POLR2F: variants seen among roughly 807,000 people sequenced by gnomAD.
POLR2F encodes RNA polymerase II, I and III subunit F, also known as DNA-directed RNA polymerases I, II, and III subunit RPABC2.
A neutral mutation model predicts 22.7 loss-of-function variants in POLR2F; 12 were observed. The ratio of observed to expected loss-of-function variants is 0.53; its 90% CI spans 0.34 to 0.86. The LOEUF is 0.86. Among genes scored for constraint, POLR2F ranks in the 40% least tolerant of loss-of-function variants. The probability of loss-of-function intolerance (pLI) is 0.02; values close to 1 mark genes in which losing one functional copy is unlikely to be tolerated. For synonymous variants in POLR2F, 57 were observed against 66.0 expected (o/e 0.86, Z 0.66); for missense variants, 126 against 171.5 (o/e 0.73, Z 1.48).
chr22:37,971,674 G>A (rs1420835021), downstream of POLR2F, among the ~76,000 whole-genome samples: 1 of 152,094 alleles, frequency 6.6e-6, no homozygotes, highest in African/African-American at 2.4e-5. Context: ...GGGGGAGGTG[G>A]CAAGTGGGGG....
chr22:38,002,453 A>G (rs1005439312), intron 1 of POLR2F, among the ~76,000 whole-genome samples: 2 of 151,968 alleles, frequency 1.3e-5, no homozygotes, highest in African/African-American at 4.8e-5. Flanking sequence ...GGGCACTGCA[A>G]CCTCCGCCTC....
In POLR2F at chr22:38,039,117, C is replaced by G. The variant is rs181303651; in HGVS notation, c.453-1951C>G. 4.0e-3 allele frequency among the ~76,000 whole-genome samples: 614 copies of G among 152,358 alleles called. 5 individuals are homozygous for G. Among genetic ancestry groups the G allele is most frequent in the African/African-American group, 0.014 (593 of 41,582 alleles). On this transcript the variant is annotated intron_variant, in intron 5 of 5. Transcript: ENST00000407936. ...CCCGGGAGCGGCTCCCCTCTGACGACTGAGTGGACTGCGCTTGAGGGGGCC... is the reference window on the plus strand; with the variant it reads ...CCCGGGAGCGGCTCCCCTCTGACGAGTGAGTGGACTGCGCTTGAGGGGGCC...
chr22:37,996,656 G>T (rs1005596781), intron 1 of POLR2F, among the ~76,000 whole-genome samples: 1 of 152,208 alleles, frequency 6.6e-6, no homozygotes, highest in African/African-American at 2.4e-5. Flanking sequence ...AGAGCCCTGG[G>T]TGGGACCTGG....
At chr22:37,960,910 G>C (rs993869186) in intron 3 of POLR2F, among the ~76,000 whole-genome samples, 1 of 147,692 alleles carries the variant, frequency 6.8e-6, no homozygotes, top group Admixed American at 6.9e-5. Context: ...GTGCCGTGGC[G>C]TGATCTCGGT....
intron 1 of POLR2F, among the ~76,000 whole-genome samples, chr22:38,014,135 AAAAAAAG>A (rs1461202038): frequency 2.6e-5 from 4 of 151,650 alleles, no homozygotes; most frequent in Admixed American, 1.3e-4. Context: ...AAAAAAAAAA[AAAAAAAG>A]AAAAAAGAAA....
chr22:37,970,925 C>T (rs566190070), downstream of POLR2F: 35 of 263,204 alleles, frequency 1.3e-4, no homozygotes, highest in South Asian at 1.2e-3. Flanking sequence ...TCTAAAAGAT[C>T]GGGGTTTCGG....
Position 37,974,347 on chromosome 22 carries a change from G to GTTTTTTTTTTTTTTTTTTTT in POLR2F, c.293+7186_293+7187insTTTTTTTTTTTTTTTTTTTT, listed in dbSNP as rs916489152. Reference sequence around the variant, plus strand: ...TTCACATTTTGGCAGCATGAGTCGGGTTTTTTTTTGTTTTTTTTTTTTGAG... The same window carrying GTTTTTTTTTTTTTTTTTTTT: ...TTCACATTTTGGCAGCATGAGTCGGGTTTTTTTTTTTTTTTTTTTTTTTTTTTTTGTTTTTTTTTTTTGAG... On this transcript the variant is annotated intron_variant, in intron 4 of 4. Transcript: ENST00000405557. This position sits in a 1 kb window ranked among gnomAD's most constrained non-coding sequence, Gnocchi z 5.4. The GTTTTTTTTTTTTTTTTTTTT allele has an allele frequency of 1.7e-6, 1 of 581,626 alleles. No homozygotes were observed. The highest frequency in any genetic ancestry group is 2.0e-5 in the African/African-American group (1 of 49,516). The allele number at this position is 581,626 out of a possible 1,614,324, so 36.0% of individuals were successfully genotyped here.
At chr22:37,999,895 G>C (rs1248311251) in intron 1 of POLR2F, among the ~76,000 whole-genome samples, 1 of 152,178 alleles carries the variant, frequency 6.6e-6, no homozygotes, top group Admixed American at 6.5e-5. Context: ...TTATTGGAGG[G>C]CTGGGCAGCC....
chr22:37,993,712 G>T (rs569103948), intron 1 of POLR2F, among the ~76,000 whole-genome samples: 1 of 152,128 alleles, frequency 6.6e-6, no homozygotes, highest in African/African-American at 2.4e-5. Context: ...AAAAAGGGCC[G>T]GGCACAGTGG....
chr22:37,973,658 C>T (rs375144235), downstream of POLR2F: 2 of 1,613,584 alleles, frequency 1.2e-6, no homozygotes, highest in Non-Finnish European at 8.5e-7. Context: ...GCCCGAGTGG[C>T]CATAATAGGG....
chr22:37,973,757 T>C (rs1932132749), downstream of POLR2F: 1 of 1,598,414 alleles, frequency 6.3e-7, no homozygotes, highest in Non-Finnish European at 8.5e-7. Context: ...GAGGGAGGTG[T>C]AGGCGATCTG....
chr22:38,006,487 G>A (rs2145804879), intron 1 of POLR2F, among the ~76,000 whole-genome samples: 1 of 152,314 alleles, frequency 6.6e-6, no homozygotes, highest in East Asian at 1.9e-4. Flanking sequence ...GCCAGGCCAG[G>A]CGCCGAGGCA....
At chr22:37,989,767 C>G (rs2145787069) in intron 1 of POLR2F, among the ~76,000 whole-genome samples, 1 of 152,340 alleles carries the variant, frequency 6.6e-6, no homozygotes, top group South Asian at 2.1e-4. Flanking sequence ...AGCCTCTGAC[C>G]ACTCTGCTCT....
downstream of POLR2F, chr22:38,041,720 TGGGGCTG>T (rs2085173864): frequency 6.6e-6 from 1 of 152,486 alleles, no homozygotes; most frequent in African/African-American, 2.4e-5. Flanking sequence ...AGTGGTGGGC[TGGGGCTG>T]GGGGCTGGGA....
At chr22:38,038,545 C>A (rs1469782572) in intron 5 of POLR2F, among the ~76,000 whole-genome samples, 1 of 152,164 alleles carries the variant, frequency 6.6e-6, no homozygotes, top group Non-Finnish European at 1.5e-5. Flanking sequence ...TCCTCCCCAC[C>A]TTCCGCCGTG....
At chr22:37,983,992 T>A (rs115516002), upstream of POLR2F, 955 of 335,284 alleles carry the variant, frequency 2.8e-3, 14 homozygotes, top group African/African-American at 0.02. The surrounding 1 kb of genome is among the most constrained non-coding windows in gnomAD (Gnocchi z 9.5). Flanking sequence ...ATCTGGCCCC[T>A]GGGGCCCACG....
intron 1 of POLR2F, among the ~76,000 whole-genome samples, chr22:38,020,984 T>C (rs1188199079): frequency 6.6e-6 from 1 of 152,196 alleles, no homozygotes; most frequent in Non-Finnish European, 1.5e-5. Flanking sequence ...TGAGGCTCTT[T>C]TGCGGTTACT....
chr22:38,036,976 C>T (rs2085122246), intron 5 of POLR2F, among the ~76,000 whole-genome samples: 1 of 152,188 alleles, frequency 6.6e-6, no homozygotes, highest in South Asian at 2.1e-4. Context: ...CTTCTCTGAC[C>T]ACCATGTCTA....
chr22:38,019,656 G>A (rs1232978616), intron 1 of POLR2F, among the ~76,000 whole-genome samples: 3 of 152,234 alleles, frequency 2.0e-5, no homozygotes, highest in East Asian at 3.8e-4. Context: ...TCTGGAAGAA[G>A]GTGGCATTCC....
Sources: allele counts gnomAD v4.1 joint callset (sites outside exome capture counted in the v4.1 genomes callset), GRCh38; gene constraint gnomAD v4.1.1; non-coding constraint Gnocchi (gnomAD v3.1); transcripts MANE v1.5; gene names NCBI Gene and HGNC (gene_info 2026-07-23, HGNC 2026-07-21).